TPST1: variants seen among roughly 807,000 people sequenced by gnomAD.
TPST1 encodes protein-tyrosine sulfotransferase 1.
A neutral mutation model predicts 34.8 loss-of-function variants in TPST1; 20 were observed. That is an observed-to-expected ratio of 0.57 (90% CI 0.40 to 0.84). The LOEUF (loss-of-function observed/expected upper bound fraction) is 0.84. Ranked by LOEUF, TPST1 falls within the 40% of genes least tolerant of loss-of-function variation. The pLI is 0.00. For synonymous variants in TPST1, 152 were observed against 159.4 expected (o/e 0.95, Z 0.35); for missense variants, 353 against 455.5 (o/e 0.78, Z 2.05).
At chr7:66,248,114 TAG>T (rs1432871468) in intron 2 of TPST1, among the ~76,000 whole-genome samples, 1 of 152,214 alleles carries the variant, frequency 6.6e-6, no homozygotes, top group Non-Finnish European at 1.5e-5. Flanking sequence ...TGTTTTTTGC[TAG>T]AGAGTTCATT....
Position 66,245,431 on chromosome 7 carries a change from C to T in TPST1, c.845+4161C>T, listed in dbSNP as rs1450729257. 2.6e-5 allele frequency among the ~76,000 whole-genome samples: 4 copies of T among 152,134 alleles called. No homozygotes were observed. The South Asian group carries it at 6.2e-4, about 24-fold the overall frequency. ...GATAGGATTCTCACTGAAGACAGGCCGGGGTGATCAGACATCACCTGGAGG... is the reference window on the plus strand; with the variant it reads ...GATAGGATTCTCACTGAAGACAGGCTGGGGTGATCAGACATCACCTGGAGG... On this transcript the variant is annotated intron_variant, in intron 2 of 5. Coordinates refer to ENST00000304842, the MANE Select transcript of TPST1 (RefSeq NM_003596.4).
At chr7:66,263,538 T>A (rs1790530011) in intron 2 of TPST1, among the ~76,000 whole-genome samples, 1 of 152,198 alleles carries the variant, frequency 6.6e-6, no homozygotes, top group Admixed American at 6.5e-5. Flanking sequence ...TTCAGAACCA[T>A]CTGGAACACT....
chr7:66,203,621 G>C (rs2116168009), upstream of TPST1, among the ~76,000 whole-genome samples: 1 of 151,996 alleles, frequency 6.6e-6, no homozygotes, highest in South Asian at 2.1e-4. Context: ...GAGTAGCTGG[G>C]ACTACAGGCG....
At chr7:66,340,319 T>C (rs911068863) in intron 3 of TPST1, among the ~76,000 whole-genome samples, 3 of 152,196 alleles carry the variant, frequency 2.0e-5, no homozygotes, top group African/African-American at 7.2e-5. Context: ...AATTTTTCTC[T>C]AAGATTAGGA....
intron 2 of TPST1, among the ~76,000 whole-genome samples, chr7:66,285,021 T>A (rs1791006859): frequency 6.6e-6 from 1 of 152,196 alleles, no homozygotes; most frequent in African/African-American, 2.4e-5. Context: ...ACTTTGTTCA[T>A]ATCAGTTGTT....
intron 2 of TPST1, among the ~76,000 whole-genome samples, chr7:66,243,413 T>A (rs1454718822): frequency 6.6e-6 from 1 of 152,022 alleles, no homozygotes; most frequent in Non-Finnish European, 1.5e-5. Context: ...CAAGAGCTGC[T>A]TTGGTTGAGG....
At chr7:66,257,944 A>G (rs1790412175) in intron 2 of TPST1, among the ~76,000 whole-genome samples, 1 of 152,218 alleles carries the variant, frequency 6.6e-6, no homozygotes, top group South Asian at 2.1e-4. Flanking sequence ...TAAGCTACAA[A>G]TATAATAAGC....
At position 66,330,606 on chromosome 7, in the gene TPST1, A is replaced by C. The variant is rs969219015; in HGVS notation, c.1045-21899A>C. ...GCTAAACTTTCCACAACTACCTAACAGAGATCCCTTGCCTCCAGTTTCTAC... is the reference window on the plus strand; with the variant it reads ...GCTAAACTTTCCACAACTACCTAACCGAGATCCCTTGCCTCCAGTTTCTAC... On this transcript the variant is annotated intron_variant, in intron 3 of 5. Coordinates refer to ENST00000304842, the MANE Select transcript of TPST1 (RefSeq NM_003596.4). Among the ~76,000 whole-genome samples, 5 of 152,306 alleles carry C rather than the reference A, an allele frequency of 3.3e-5. No homozygotes were observed. In the East Asian group the frequency reaches 9.7e-4, roughly 29 times the overall value.
At chr7:66,293,672 C>T (rs1404931600) in intron 3 of TPST1, among the ~76,000 whole-genome samples, 1 of 152,176 alleles carries the variant, frequency 6.6e-6, no homozygotes, top group Non-Finnish European at 1.5e-5. Flanking sequence ...CAGCCAATTA[C>T]TGCAGATCTG....
At chr7:66,294,632 A>G (rs1791155413) in intron 3 of TPST1, among the ~76,000 whole-genome samples, 1 of 151,932 alleles carries the variant, frequency 6.6e-6, no homozygotes, top group Non-Finnish European at 1.5e-5. Context: ...TTATAAAAAT[A>G]TAAGCTCATT....
chr7:66,255,540 A>T (rs1790367427), intron 2 of TPST1, among the ~76,000 whole-genome samples: 2 of 152,188 alleles, frequency 1.3e-5, no homozygotes, highest in South Asian at 4.1e-4. Context: ...TTATTTTAAA[A>T]CAAATACAAG....
upstream of TPST1, among the ~76,000 whole-genome samples, chr7:66,202,280 G>A (rs1789041709): frequency 6.6e-6 from 1 of 152,150 alleles, no homozygotes; most frequent in Non-Finnish European, 1.5e-5. Context: ...GCTGGACCCT[G>A]TCAGAGGCTG....
intron 2 of TPST1, among the ~76,000 whole-genome samples, chr7:66,249,411 C>T (rs184817932): frequency 3.9e-5 from 6 of 152,232 alleles, no homozygotes; most frequent in African/African-American, 1.4e-4. Flanking sequence ...CTCCTTGGTC[C>T]TTTTCTGAAT....
intron 3 of TPST1, among the ~76,000 whole-genome samples, chr7:66,298,553 A>G (rs1791248560): frequency 6.6e-6 from 1 of 152,154 alleles, no homozygotes; most frequent in African/African-American, 2.4e-5. Flanking sequence ...CCAGTTTTAT[A>G]GTCTCTGCCT....
chr7:66,281,510 A>G (rs1427377006), intron 2 of TPST1, among the ~76,000 whole-genome samples: 2 of 152,146 alleles, frequency 1.3e-5, no homozygotes, highest in Non-Finnish European at 2.9e-5. Context: ...TTAGGAACTC[A>G]TTATTGGTCT....
chr7:66,325,483 T>A (rs940046862), intron 3 of TPST1, among the ~76,000 whole-genome samples: 3 of 152,102 alleles, frequency 2.0e-5, no homozygotes, highest in African/African-American at 4.8e-5. Context: ...ACAATTTTTT[T>A]AAGTTTCCCC....
intron 3 of TPST1, among the ~76,000 whole-genome samples, chr7:66,303,966 T>C (rs1234644703): frequency 6.6e-6 from 1 of 152,174 alleles, no homozygotes; most frequent in Non-Finnish European, 1.5e-5. Flanking sequence ...AAATGCTCCA[T>C]TACCCAGAGG....
At position 66,327,219 on chromosome 7, in the gene TPST1, C is replaced by T. The variant is rs181208158; in HGVS notation, c.1045-25286C>T. ...TATTACTAAATAAATAACAGCAGGC[C>T]AGGCATAAACCAATGATGAAAGTTT... On this transcript the variant is annotated intron_variant, in intron 3 of 5. Transcript: ENST00000304842. Among the ~76,000 whole-genome samples, 3 of 152,124 alleles carry T rather than the reference C, an allele frequency of 2.0e-5. No individual in the cohort carries two copies. In the East Asian group the frequency reaches 5.8e-4, roughly 29 times the overall value.
chr7:66,209,781 C>T (rs1484071094), intron 1 of TPST1, among the ~76,000 whole-genome samples: 1 of 152,134 alleles, frequency 6.6e-6, no homozygotes, highest in Non-Finnish European at 1.5e-5. Flanking sequence ...GTCTGCATCC[C>T]CTACTCTGGC....
Sources: allele counts gnomAD v4.1 joint callset (sites outside exome capture counted in the v4.1 genomes callset), GRCh38; gene constraint gnomAD v4.1.1; transcripts MANE v1.5; gene names NCBI Gene and HGNC (gene_info 2026-07-23, HGNC 2026-07-21).